The following FANK1 variants were observed in gnomAD, a reference collection of about 807,000 sequenced individuals.
FANK1 encodes the protein fibronectin type 3 and ankyrin repeat domains protein 1.
Under a neutral mutation model 45.3 loss-of-function variants are expected in FANK1, and 44 were observed. The observed-to-expected ratio is 0.97, with a 90% CI of 0.76 to 1.25. FANK1 has a LOEUF of 1.25. Among genes scored for constraint, FANK1 ranks in the 50% most tolerant of loss-of-function variants. The pLI is 0.00. For missense variants in FANK1, 391 were observed against 424.4 expected (o/e 0.92, Z 0.69); for synonymous variants, 149 against 152.5 (o/e 0.98, Z 0.17).
At chr10:125,910,884 A>G (rs1945943504) in intron 1 of FANK1, among the ~76,000 whole-genome samples, 2 of 152,206 alleles carry the variant, frequency 1.3e-5, no homozygotes, top group South Asian at 2.1e-4. Flanking sequence ...AACACAAAAA[A>G]TTAGCCGGGT....
intron 1 of FANK1, among the ~76,000 whole-genome samples, chr10:125,900,354 C>CT (rs59752773): frequency 0.049 from 6,794 of 139,214 alleles, 467 homozygotes; most frequent in African/African-American, 0.16. Context: ...GGTTTTTGTC[C>CT]TTTTTTTTTT....
rs760347988 is a variant in FANK1, at chr10:125,996,573, A to G, written c.422A>G (p.Asn141Ser). Residue 141 changes from asparagine (N) to serine (S), a missense_variant, in exon 5 of 11, where the codon AAT (asparagine) becomes AGT (serine). Coordinates refer to ENST00000368693, the MANE Select transcript of FANK1 (RefSeq NM_145235.5). ...QGGRVKVDVP[N>S]KFGFTALMVA... The stretch of plus-strand genomic sequence containing the variant: ...AGCCGTGTTAAGGTTGATGTTCCCA[A>G]TAAGTTTGGCTTTACCGCTCTGATG... 9.3e-6 allele frequency: 15 copies of G among 1,614,142 alleles called. No individual in the cohort carries two copies. Among genetic ancestry groups the G allele is most frequent in the Admixed American group, 1.7e-5 (1 of 60,010 alleles).
At chr10:125,995,070 C>T (rs1341748196) in intron 3 of FANK1, 6 of 472,810 alleles carry the variant, frequency 1.3e-5, no homozygotes, top group South Asian at 9.0e-5. Flanking sequence ...ATAAAACTAG[C>T]ATATTGTGAC....
chr10:125,999,462 C>T (rs1016965335), intron 6 of FANK1, among the ~76,000 whole-genome samples: 5 of 152,092 alleles, frequency 3.3e-5, no homozygotes, highest in African/African-American at 1.2e-4. Flanking sequence ...TTACTTTCAG[C>T]CTTTGAACAG....
intron 3 of FANK1, among the ~76,000 whole-genome samples, chr10:125,991,442 C>G (rs76531900): frequency 6.6e-6 from 1 of 152,158 alleles, no homozygotes; most frequent in Non-Finnish European, 1.5e-5. Flanking sequence ...CTGGCTGCAG[C>G]TCCCTTATGC....
intron 7 of FANK1, 26 bp downstream of exon 7, chr10:126,005,075 G>C: frequency 6.3e-7 from 1 of 1,589,482 alleles, no homozygotes; most frequent in South Asian, 1.1e-5. Context: ...TGTTAACCAC[G>C]CACATATCGT....
At chr10:125,970,675 G>A (rs984489540) in intron 1 of FANK1, among the ~76,000 whole-genome samples, 6 of 152,216 alleles carry the variant, frequency 3.9e-5, no homozygotes, top group African/African-American at 7.2e-5. Context: ...CCAGTCAGGC[G>A]TGACAGCGCG....
rs73372519 is a variant in FANK1, at chr10:126,000,005, T to C, written c.539+2520T>C. On this transcript the variant is annotated intron_variant, in intron 6 of 10. Transcript: ENST00000368693. ...CAGCTACAAGGCAAAGAAAAGACTT[T>C]CTTAAATCCCTGCAATTACTGGTTA... 5.0e-3 allele frequency among the ~76,000 whole-genome samples: 759 copies of C among 152,224 alleles called. 7 individuals are homozygous for C. Among genetic ancestry groups the C allele is most frequent in the African/African-American group, 0.017 (693 of 41,520 alleles).
intron 1 of FANK1, among the ~76,000 whole-genome samples, chr10:125,941,215 A>G (rs1564894091): frequency 1.3e-5 from 2 of 152,236 alleles, no homozygotes; most frequent in African/African-American, 4.8e-5. Context: ...ATTTCAGACT[A>G]CATAAAGAAT....
At chr10:126,002,763 C>CT (rs375158618) in intron 6 of FANK1, among the ~76,000 whole-genome samples, 56,401 of 112,924 alleles carry the variant, frequency 0.5, 14,769 homozygotes, top group Non-Finnish European at 0.62. Flanking sequence ...TTTGCCTCTC[C>CT]TTTTTTTTTT....
intron 1 of FANK1, among the ~76,000 whole-genome samples, chr10:125,904,298 G>C (rs369117600): frequency 9.3e-5 from 14 of 150,978 alleles, no homozygotes; most frequent in South Asian, 8.4e-4. Context: ...CCAAACATAA[G>C]AAGTATGTAT....
intron 1 of FANK1, among the ~76,000 whole-genome samples, chr10:125,937,631 C>T (rs1474714360): frequency 6.6e-6 from 1 of 152,032 alleles, no homozygotes; most frequent in Non-Finnish European, 1.5e-5. Flanking sequence ...ATAGGATGAT[C>T]TCAGTGAACT....
intron 1 of FANK1, among the ~76,000 whole-genome samples, chr10:125,937,893 T>A (rs1487509032): frequency 1.3e-5 from 2 of 152,158 alleles, no homozygotes; most frequent in African/African-American, 4.8e-5. Context: ...GCTTAACAGG[T>A]AGCTGCTAAA....
intron 1 of FANK1, among the ~76,000 whole-genome samples, chr10:125,917,440 C>T (rs1946534228): frequency 1.3e-5 from 2 of 152,088 alleles, no homozygotes; most frequent in Admixed American, 6.6e-5. Flanking sequence ...GAATAAAAGC[C>T]AATTAAATCT....
intron 6 of FANK1, among the ~76,000 whole-genome samples, chr10:126,002,650 C>A (rs911759082): frequency 6.6e-6 from 1 of 151,976 alleles, no homozygotes; most frequent in Non-Finnish European, 1.5e-5. Flanking sequence ...TATTTTCCAA[C>A]TCTCTATTTT....
At chr10:125,924,075 G>A (rs7476629) in intron 1 of FANK1, among the ~76,000 whole-genome samples, 8 of 150,412 alleles carry the variant, frequency 5.3e-5, no homozygotes, top group Non-Finnish European at 1.2e-4. Flanking sequence ...GTGATTGAGC[G>A]ACTACACTCC....
intron 2 of FANK1, among the ~76,000 whole-genome samples, chr10:125,985,255 G>A (rs1333353986): frequency 1.3e-5 from 2 of 152,282 alleles, no homozygotes; most frequent in Middle Eastern, 3.4e-3. Context: ...ATTCTGGTGA[G>A]GCTTGGCTAT....
chr10:125,959,338 C>T (rs12766295), intron 1 of FANK1, among the ~76,000 whole-genome samples: 122 of 138,074 alleles, frequency 8.8e-4, no homozygotes, highest in Non-Finnish European at 1.5e-3. Flanking sequence ...TGTTTGAACC[C>T]GGGAGGCTGA....
At chr10:125,984,268 G>A (rs1274529945) in intron 2 of FANK1, among the ~76,000 whole-genome samples, 1 of 152,220 alleles carries the variant, frequency 6.6e-6, no homozygotes, top group Non-Finnish European at 1.5e-5. Context: ...CGTGAACATT[G>A]TCAGTCACTG....
Sources: gnomAD v4.1 joint callset for allele counts (sites outside exome capture counted in the v4.1 genomes callset) on GRCh38, gnomAD v4.1.1 for gene constraint, MANE v1.5 for transcripts, NCBI Gene and HGNC (gene_info 2026-07-23, HGNC 2026-07-21) for gene names.